CALD1: variants seen among roughly 807,000 people sequenced by gnomAD.
CALD1 encodes the protein caldesmon.
In CALD1, 33 loss-of-function variants were observed where a neutral mutation model predicts 99.9. The observed-to-expected ratio is 0.33, with a 90% CI of 0.25 to 0.44. The LOEUF is 0.44. CALD1 is among the 20% of genes least tolerant of loss of function. CALD1 has a pLI of 1.00. For synonymous variants in CALD1, 310 were observed against 325.0 expected (o/e 0.95, Z 0.50); for missense variants, 861 against 962.1 (o/e 0.89, Z 1.39).
chr7:134,867,164 T>C (rs1800838751), intron 2 of CALD1: 1 of 152,264 alleles, frequency 6.6e-6, no homozygotes, highest in Admixed American at 6.5e-5. Flanking sequence ...ATTCATGATG[T>C]TACTGCTGCA....
At chr7:134,766,731 A>C (rs1027918012) in intron 1 of CALD1, among the ~76,000 whole-genome samples, 1 of 152,114 alleles carries the variant, frequency 6.6e-6, no homozygotes, top group Non-Finnish European at 1.5e-5. Context: ...ACAAGAAGAA[A>C]ATGTCAAGAG....
chr7:134,791,029 A>G (rs1420399544), intron 1 of CALD1, among the ~76,000 whole-genome samples: 1 of 147,986 alleles, frequency 6.8e-6, no homozygotes, highest in Non-Finnish European at 1.5e-5. Flanking sequence ...TACAAAAGAA[A>G]TTAGTGTCCA....
chr7:134,916,984 T>C (rs946018428), intron 3 of CALD1, among the ~76,000 whole-genome samples: 1 of 152,240 alleles, frequency 6.6e-6, no homozygotes, highest in Non-Finnish European at 1.5e-5. Flanking sequence ...CTTGTTTATA[T>C]ACCTGTGGTC....
At position 134,808,158 on chromosome 7, in the gene CALD1, T is replaced by C. The variant is rs915109116; in HGVS notation, c.-130+28409T>C. The stretch of plus-strand genomic sequence containing the variant: ...CTTTGTCGCCCAGGCTTGAGTACAG[T>C]GGTGCAATCATGTTTCACTGCAGCT... On this transcript the variant is annotated intron_variant, in intron 1 of 14. Transcript: ENST00000361675. Among the ~76,000 whole-genome samples, 93 of 151,648 alleles carry C rather than the reference T, an allele frequency of 6.1e-4. 1 individual carries two copies. The highest frequency in any genetic ancestry group is 2.2e-3 in the African/African-American group (89 of 41,320).
chr7:134,829,799 G>C (rs779092313), intron 1 of CALD1, among the ~76,000 whole-genome samples: 7 of 152,194 alleles, frequency 4.6e-5, no homozygotes, highest in Non-Finnish European at 7.3e-5. Context: ...GACCAGTTGG[G>C]AGGAAGAGTC....
chr7:134,787,997 T>A (rs1331630274), intron 1 of CALD1, among the ~76,000 whole-genome samples: 2 of 152,178 alleles, frequency 1.3e-5, no homozygotes, highest in Non-Finnish European at 2.9e-5. Context: ...CCATCTGGAC[T>A]CAGTCTCCTT....
At chr7:134,724,877 G>A in the CALD1 span, among the ~76,000 whole-genome samples, 4 of 152,170 alleles carry the variant, frequency 2.6e-5, no homozygotes, top group South Asian at 8.3e-4. Flanking sequence ...TTAAGAACGT[G>A]TATCAGCCAT....
intron 1 of CALD1, chr7:134,745,376 A>G (rs1796627111): frequency 6.6e-6 from 1 of 152,210 alleles, no homozygotes; most frequent in South Asian, 2.1e-4. Flanking sequence ...GCTGGACAAA[A>G]AGGAAAAATA....
intron 1 of CALD1, among the ~76,000 whole-genome samples, chr7:134,841,185 T>C (rs1799633942): frequency 1.3e-5 from 2 of 152,196 alleles, no homozygotes; most frequent in African/African-American, 2.4e-5. Flanking sequence ...GATGAAGAAA[T>C]TGAGTGGTTA....
Position 134,783,411 on chromosome 7 carries a change from G to A in CALD1, c.-130+3662G>A, listed in dbSNP as rs1307520052. Among the ~76,000 whole-genome samples the A allele has an allele frequency of 6.6e-6, 1 of 152,168 alleles. No individual in the cohort carries two copies. The highest frequency in any genetic ancestry group is 2.1e-4 in the South Asian group (1 of 4,826). The stretch of plus-strand genomic sequence containing the variant: ...CTAAGATGAGGCCCAGAGTACAGCA[G>A]AACACTCTAGCACAGATAGGTTCTA... On this transcript the variant is annotated intron_variant, in intron 1 of 14. Transcript: ENST00000361675. The surrounding 1 kb of genome is among the most constrained non-coding windows in gnomAD (Gnocchi z 4.3).
chr7:134,901,695 G>T (rs1184568589), intron 3 of CALD1, among the ~76,000 whole-genome samples: 4 of 152,088 alleles, frequency 2.6e-5, no homozygotes, highest in Non-Finnish European at 5.9e-5. Context: ...AAACCTGTAG[G>T]GGAGGATCCT....
intron 1 of CALD1, among the ~76,000 whole-genome samples, chr7:134,790,884 T>A (rs911732837): frequency 1.3e-5 from 2 of 152,206 alleles, no homozygotes; most frequent in Non-Finnish European, 2.9e-5. Context: ...ATGTCAAATT[T>A]TAAGAAAAGG....
At chr7:134,790,598 A>G (rs1797489418) in intron 1 of CALD1, among the ~76,000 whole-genome samples, 2 of 152,244 alleles carry the variant, frequency 1.3e-5, no homozygotes, top group South Asian at 4.1e-4. Flanking sequence ...AAGGAAACAG[A>G]GCTAAACACC....
At chr7:134,892,191 C>T (rs773994825) in intron 3 of CALD1, among the ~76,000 whole-genome samples, 1 of 152,136 alleles carries the variant, frequency 6.6e-6, no homozygotes, top group Non-Finnish European at 1.5e-5. Flanking sequence ...GTTCAGATAA[C>T]GGACTCCAAG....
the CALD1 span, among the ~76,000 whole-genome samples, chr7:134,721,674 T>A: frequency 2.0e-5 from 3 of 152,144 alleles, no homozygotes; most frequent in Non-Finnish European, 2.9e-5. Flanking sequence ...ACTAGCTGTG[T>A]GACCTCAGGC....
intron 1 of CALD1, among the ~76,000 whole-genome samples, chr7:134,834,779 C>A (rs1799366664): frequency 6.6e-6 from 1 of 152,190 alleles, no homozygotes; most frequent in South Asian, 2.1e-4. Flanking sequence ...TGCCCTGTGA[C>A]CAACCCACTT....
intron 3 of CALD1, among the ~76,000 whole-genome samples, chr7:134,872,981 G>A (rs1317656297): frequency 6.6e-6 from 1 of 151,948 alleles, no homozygotes; most frequent in Non-Finnish European, 1.5e-5. Flanking sequence ...CCAGGAGTTC[G>A]AAACCAGCCT....
upstream of CALD1, among the ~76,000 whole-genome samples, chr7:134,741,799 G>A (rs952932524): frequency 6.6e-6 from 1 of 152,042 alleles, no homozygotes. Context: ...TGAATTAAAC[G>A]TGGCAAGTTA....
upstream of CALD1, among the ~76,000 whole-genome samples, chr7:134,743,950 C>A (rs1055444550): frequency 6.6e-6 from 1 of 152,182 alleles, no homozygotes; most frequent in Non-Finnish European, 1.5e-5. Context: ...CCACTGAAGT[C>A]TTCTGATACA....
Sources: gnomAD v4.1 joint callset for allele counts (sites outside exome capture counted in the v4.1 genomes callset) on GRCh38, gnomAD v4.1.1 for gene constraint, Gnocchi (gnomAD v3.1) non-coding constraint, MANE v1.5 for transcripts, NCBI Gene and HGNC (gene_info 2026-07-23, HGNC 2026-07-21) for gene names.